The following SLC25A48 variants were observed in gnomAD, a reference collection of about 807,000 sequenced individuals.
SLC25A48 encodes the protein solute carrier family 25 member 48, also known as CTC-321K16.1.
Under a neutral mutation model 32.2 loss-of-function variants are expected in SLC25A48, and 29 were observed. The ratio of observed to expected loss-of-function variants is 0.90; its 90% CI spans 0.67 to 1.23. SLC25A48 has a LOEUF of 1.23. Among genes scored for constraint, SLC25A48 ranks in the 50% most tolerant of loss-of-function variants. The pLI, the probability that SLC25A48 is intolerant of heterozygous loss-of-function variation, is 0.00. For synonymous variants in SLC25A48, 164 were observed against 172.3 expected, an observed-to-expected ratio of 0.95 and a Z score of 0.38; for missense variants, 399 against 422.7, an observed-to-expected ratio of 0.94 and a Z score of 0.49.
Position 135,723,698 on chromosome 5 carries a change from A to G in SLC25A48, c.-521+88742A>G, listed in dbSNP as rs1235471234. 1.3e-5 allele frequency among the ~76,000 whole-genome samples: 2 copies of G among 152,182 alleles called. 1 individual carries two copies. Among genetic ancestry groups the G allele is most frequent in the East Asian group, 3.9e-4 (2 of 5,192 alleles). On this transcript the variant is annotated intron_variant, in intron 3 of 10. Transcript: ENST00000646290. ...GACATGTTTCTAAACAACTGTAATC[A>G]TAACACAGTTTTGCATTCTGTTTCT...
intron 1 of SLC25A48, among the ~76,000 whole-genome samples, chr5:135,615,337 G>T (rs960707595): frequency 2.0e-5 from 3 of 152,288 alleles, no homozygotes; most frequent in Admixed American, 2.0e-4. Flanking sequence ...GGCTGATTAG[G>T]TCTCAGATAC....
At chr5:135,722,554 C>G (rs1349998123) in intron 3 of SLC25A48, among the ~76,000 whole-genome samples, 1 of 152,226 alleles carries the variant, frequency 6.6e-6, no homozygotes, top group Non-Finnish European at 1.5e-5. Flanking sequence ...ATTCTGTCAT[C>G]TACTGTGATG....
chr5:135,858,377 A>G (rs1441326714), intron 4 of SLC25A48, among the ~76,000 whole-genome samples: 1 of 152,196 alleles, frequency 6.6e-6, no homozygotes, highest in Non-Finnish European at 1.5e-5. Flanking sequence ...AGGGAGAGTA[A>G]AAGCCAAGAT....
Position 135,871,665 on chromosome 5 carries a change from A to G in SLC25A48, c.626A>G (p.Glu209Gly), listed in dbSNP as rs1417904664. 6.2e-7 allele frequency: 1 copy of G among 1,614,010 alleles called. No individual in the cohort carries two copies. Among genetic ancestry groups the G allele is most frequent in the African/African-American group, 1.3e-5 (1 of 74,912 alleles). Residue 209 changes from glutamate (E) to glycine (G), a missense_variant, in exon 5 of 8, where the codon GAG becomes GGG. Coordinates refer to ENST00000681962, the MANE Select transcript of SLC25A48 (RefSeq NM_001349336.2). The stretch of plus-strand genomic sequence containing the variant: ...TTCCTGAGTGAGTGGATCACACCTG[A>G]GGCCTGCACAGGCCCCAGCCCCTGT... ...YVFLSEWITP[E>G]ACTGPSPCAV...
rs143833639 is a variant in SLC25A48 at position 135,820,624 on chromosome 5, A to T, written c.-117+7698A>T. On this transcript the variant is annotated intron_variant, in intron 4 of 10. Transcript: ENST00000646290. ...TACAAAGAGAGACAAAGAGATGGAT[A>T]AAAAAAATCATAAAAATGGACAAGT... 7.3e-4 allele frequency among the ~76,000 whole-genome samples: 109 copies of T among 149,632 alleles called. 1 individual carries two copies. Among genetic ancestry groups the T allele is most frequent in the African/African-American group, 2.0e-3 (77 of 39,142 alleles).
At chr5:135,625,421 G>C (rs1752421279) in intron 1 of SLC25A48, among the ~76,000 whole-genome samples, 1 of 152,166 alleles carries the variant, frequency 6.6e-6, no homozygotes, top group Admixed American at 6.5e-5. Flanking sequence ...GGAAGTCACA[G>C]TTCCTCACTG....
chr5:135,586,330 T>TAG (rs1329917989), intron 1 of SLC25A48, among the ~76,000 whole-genome samples: 2 of 152,244 alleles, frequency 1.3e-5, no homozygotes, highest in Non-Finnish European at 2.9e-5. Context: ...CTCAACCAGC[T>TAG]AGGATTGTCA....
intron 3 of SLC25A48, among the ~76,000 whole-genome samples, chr5:135,684,691 C>A (rs1753976396): frequency 6.6e-6 from 1 of 152,190 alleles, no homozygotes; most frequent in Non-Finnish European, 1.5e-5. Context: ...CACAGCATCC[C>A]CTCCAGCAGC....
intron 3 of SLC25A48, among the ~76,000 whole-genome samples, chr5:135,717,507 C>A (rs1754832759): frequency 6.6e-6 from 1 of 152,220 alleles, no homozygotes; most frequent in South Asian, 2.1e-4. Flanking sequence ...GAAATAAGAT[C>A]TTTGCAGATG....
At chr5:135,868,103 A>C (rs1210272155) in intron 4 of SLC25A48, among the ~76,000 whole-genome samples, 1 of 152,226 alleles carries the variant, frequency 6.6e-6, no homozygotes, top group East Asian at 1.9e-4. Context: ...TCAATCGTGC[A>C]CTTGAAAGCT....
rs577814465 is a variant in SLC25A48 at position 135,851,851 on chromosome 5, G to A, written c.163-712G>A. ...ATGCCGTGTGGAAGGGACCGAACCC[G>A]GCCTGCAGCACCCCCTCCTCAGCCT... On this transcript the variant is annotated intron_variant, in intron 3 of 7. Coordinates refer to ENST00000681962, the MANE Select transcript of SLC25A48 (RefSeq NM_001349336.2). 7.4e-3 allele frequency among the ~76,000 whole-genome samples: 1,119 copies of A among 152,198 alleles called. 10 individuals carry two copies. Among genetic ancestry groups the A allele is most frequent in the Middle Eastern group, 0.02 (6 of 294 alleles).
intron 4 of SLC25A48, among the ~76,000 whole-genome samples, chr5:135,826,187 C>T (rs1448657500): frequency 6.6e-6 from 1 of 152,098 alleles, no homozygotes; most frequent in East Asian, 1.9e-4. Flanking sequence ...CAGCCCCTCT[C>T]AGCCCACCAG....
intron 4 of SLC25A48, among the ~76,000 whole-genome samples, chr5:135,854,288 A>G (rs768197716): frequency 6.6e-6 from 1 of 152,220 alleles, no homozygotes; most frequent in Non-Finnish European, 1.5e-5. Context: ...CTGTCTTTTG[A>G]AACTTCAAAG....
chr5:135,794,149 T>C (rs1420872030), intron 3 of SLC25A48, among the ~76,000 whole-genome samples: 1 of 151,828 alleles, frequency 6.6e-6, no homozygotes, highest in Non-Finnish European at 1.5e-5. Context: ...CCCAGTGAGA[T>C]TGTTCCTAAT....
At chr5:135,868,654 A>G (rs184536423) in intron 4 of SLC25A48, among the ~76,000 whole-genome samples, 4 of 134,814 alleles carry the variant, frequency 3.0e-5, no homozygotes, top group African/African-American at 1.1e-4. Flanking sequence ...AAATACATCT[A>G]TGTGTATACA....
chr5:135,669,930 G>A (rs1285951020), intron 3 of SLC25A48, among the ~76,000 whole-genome samples: 1 of 152,142 alleles, frequency 6.6e-6, no homozygotes, highest in Admixed American at 6.5e-5. Context: ...CAGAATTAGA[G>A]GTCTCTGTTC....
chr5:135,631,921 A>G (rs1752582341), intron 2 of SLC25A48, among the ~76,000 whole-genome samples: 1 of 152,204 alleles, frequency 6.6e-6, no homozygotes, highest in South Asian at 2.1e-4. Context: ...TAAGCAGAGG[A>G]CTGCTTTTGA....
At chr5:135,808,991 A>G (rs969457420) in intron 3 of SLC25A48, among the ~76,000 whole-genome samples, 2 of 152,014 alleles carry the variant, frequency 1.3e-5, no homozygotes, top group African/African-American at 4.8e-5. Flanking sequence ...GAGGGAGGAA[A>G]GTTTCTTGGT....
intron 4 of SLC25A48, among the ~76,000 whole-genome samples, chr5:135,863,552 A>T (rs945254304): frequency 3.3e-5 from 5 of 152,206 alleles, no homozygotes; most frequent in Non-Finnish European, 7.3e-5. Flanking sequence ...TAACACTAAT[A>T]ACTGCAGTTA....
Sources: gnomAD v4.1 joint callset for allele counts (sites outside exome capture counted in the v4.1 genomes callset) on GRCh38, gnomAD v4.1.1 for gene constraint, MANE v1.5 for transcripts, NCBI Gene and HGNC (gene_info 2026-07-23, HGNC 2026-07-21) for gene names.